Variants in PCDHGA7 observed in about 807,000 individuals in gnomAD.
The protein encoded by PCDHGA7 is protocadherin gamma subfamily A, 7.
PCDHGA7 carries 44 observed loss-of-function variants against 58.3 expected under a neutral mutation model. The observed-to-expected ratio is 0.75, with a 90% confidence interval of 0.59 to 0.97. PCDHGA7 has a LOEUF of 0.97. Among genes scored for constraint, PCDHGA7 ranks in the 50% least tolerant of loss-of-function variants. The pLI is 0.00. For synonymous variants in PCDHGA7, 516 were observed against 504.2 expected (o/e 1.02, Z -0.31); for missense variants, 1,266 against 1,188.7 (o/e 1.06, Z -0.96).
Position 141,385,078 on chromosome 5 carries a change from G to A in PCDHGA7, c.2179G>A (p.Ala727Thr). Residue 727 changes from alanine (A) to threonine (T), a missense_variant, in exon 1 of 4, where the codon GCT (alanine) becomes ACT (threonine). Transcript: ENST00000518325. ...CTGGCACAAGTCACGCCTGCTGCAG[G>A]CTTCAGAAGGTGGCTTGGCGAACGT... ...RRWHKSRLLQ[A>T]SEGGLANVPT... The A allele has an allele frequency of 6.2e-7, 1 of 1,614,222 alleles. No homozygotes were observed. The highest frequency in any genetic ancestry group is 8.5e-7 in the Non-Finnish European group (1 of 1,180,050).
chr5:141,385,560 T>C (rs920911668), intron 1 of PCDHGA7: 33 of 1,307,128 alleles, frequency 2.5e-5, no homozygotes, highest in Non-Finnish European at 3.0e-5. Context: ...ATTTTATAAT[T>C]TCCACCTACT....
chr5:141,480,651 C>T (rs780138971), intron 1 of PCDHGA7, among the ~76,000 whole-genome samples: 1 of 152,174 alleles, frequency 6.6e-6, no homozygotes, highest in African/African-American at 2.4e-5. Flanking sequence ...CTTGGTTGCA[C>T]ATTAAAATCA....
rs771106873 is a variant in PCDHGA7, at chr5:141,426,860, A to C, written c.2424+41537A>C. 5 of 456,702 alleles carry C rather than the reference A, an allele frequency of 1.1e-5. No individual in the cohort carries two copies. In the Admixed American group the frequency reaches 1.2e-4, roughly 11 times the overall value. The allele number at this position is 456,702 out of a possible 1,614,324, so 28.3% of individuals were successfully genotyped here. A position where few individuals can be genotyped will look rare whatever the true frequency, so the allele number is the denominator to read the frequency against. On this transcript the variant is annotated intron_variant, in intron 1 of 3. Transcript: ENST00000518325. ...CTAAAGGCAAGAACGCTCCAGAATT[A>C]GTGCTGGAGAAGCCCCTGGGCCAGG...
At chr5:141,488,578 G>A (rs1286219713) in intron 1 of PCDHGA7, among the ~76,000 whole-genome samples, 2 of 152,178 alleles carry the variant, frequency 1.3e-5, no homozygotes, top group Non-Finnish European at 2.9e-5. Flanking sequence ...AGCATTGCTG[G>A]AGAGTCAGGG....
At position 141,417,888 on chromosome 5, in the gene PCDHGA7, G is replaced by C. The variant is rs1406210540; in HGVS notation, c.2424+32565G>C. ...GGAGGGAGCTGCGCGCAGAGGCGCC[G>C]GGCCGGCCCGCGGCAGGTACTATTT... is the stretch of plus-strand genomic sequence containing the variant. On this transcript the variant is annotated intron_variant, in intron 1 of 3. Transcript: ENST00000518325. 1.3e-6 allele frequency: 2 copies of C among 1,566,652 alleles called. No homozygotes were observed. The highest frequency in any genetic ancestry group is 1.7e-4 in the Middle Eastern group (1 of 6,016).
chr5:141,394,627 C>T (rs563086120), intron 1 of PCDHGA7: 2 of 1,613,412 alleles, frequency 1.2e-6, no homozygotes, highest in East Asian at 2.2e-5. Context: ...GCCTGGCTGT[C>T]CTACCGCCTG....
Position 141,384,075 on chromosome 5 carries a change from T to C in PCDHGA7, c.1176T>C (p.Phe392=). The change falls in exon 1 of 4, where the codon TTT becomes TTC. Residue 392 remains phenylalanine (F), a synonymous_variant. Transcript: ENST00000518325. ...VTCTIPENLP[F]KLEKSIDNYY... is the part of the protein sequence containing the mutation. ...GCACCATTCCAGAAAACCTACCTTT[T>C]AAATTAGAAAAATCAATAGATAATT... The C allele has an allele frequency of 6.2e-7, 1 of 1,600,788 alleles. No homozygotes were observed. The highest frequency in any genetic ancestry group is 8.5e-7 in the Non-Finnish European group (1 of 1,173,074).
rs1334123861 is a variant in PCDHGA7, at chr5:141,414,743, C to G, written c.2424+29420C>G. On this transcript the variant is annotated intron_variant, in intron 1 of 3. Coordinates refer to ENST00000518325, the MANE Select transcript of PCDHGA7 (RefSeq NM_018920.4). ...ACTGGCGTCCTGTATGCACTCAGAT[C>G]CTTCGACTATGAGCAGTTTCATGAG... 1.9e-6 allele frequency: 3 copies of G among 1,614,216 alleles called. No homozygotes were observed. In the East Asian group the frequency reaches 6.7e-5, roughly 36 times the overall value.
In PCDHGA7 at chr5:141,490,858, G is replaced by C. The variant is rs775132338; in HGVS notation, c.2425-3949G>C. On this transcript the variant is annotated intron_variant, in intron 1 of 3. Coordinates refer to ENST00000518325, the MANE Select transcript of PCDHGA7 (RefSeq NM_018920.4). The surrounding 1 kb of genome is among the most constrained non-coding windows in gnomAD (Gnocchi z 5.4). ...GATTGTGGTGGGGGTTCGAGACTCC[G>C]GCTCTCCCCCATTGCATGCCAACAC... The C allele has an allele frequency of 1.5e-5, 24 of 1,613,704 alleles. 1 individual carries two copies. Among genetic ancestry groups the C allele is most frequent in the Non-Finnish European group, 2.0e-5 (24 of 1,179,918 alleles).
Position 141,431,706 on chromosome 5 carries a change from A to T in PCDHGA7, c.2424+46383A>T. The T allele has an allele frequency of 6.2e-7, 1 of 1,614,248 alleles. No homozygotes were observed. The highest frequency in any genetic ancestry group is 8.5e-7 in the Non-Finnish European group (1 of 1,180,048). On this transcript the variant is annotated intron_variant, in intron 1 of 3. Coordinates refer to ENST00000518325, the MANE Select transcript of PCDHGA7 (RefSeq NM_018920.4). The surrounding 1 kb of genome is among the most constrained non-coding windows in gnomAD (Gnocchi z 4.8). ...GACCACGAGGAGTCAGGATTCTACC[A>T]GATGGAAGTGCAAGCAATGGATAAT...
intron 1 of PCDHGA7, chr5:141,399,545 C>T (rs978973236): frequency 6.2e-7 from 1 of 1,614,050 alleles, no homozygotes; most frequent in African/African-American, 1.3e-5. Flanking sequence ...GTCTGCGCCT[C>T]GGACCTGGAC....
At chr5:141,393,944 A>G (rs756691407) in intron 1 of PCDHGA7, 3 of 1,613,998 alleles carry the variant, frequency 1.9e-6, no homozygotes, top group South Asian at 1.1e-5. Flanking sequence ...AAGACTCTGG[A>G]AAGAATGGTC....
rs1369821635 is a variant in PCDHGA7, at chr5:141,512,208, G to T, written c.*1035G>T. ...TTCAGTCCAAGGAAGCTCGAAGCAG[G>T]TTTAGGACCAGGTCCCCTTGAGAGG... On this transcript the variant is annotated 3_prime_UTR_variant, in exon 4 of 4. Coordinates refer to ENST00000518325, the MANE Select transcript of PCDHGA7 (RefSeq NM_018920.4). 6.5e-6 allele frequency: 1 copy of T among 152,758 alleles called. No homozygotes were observed. The highest frequency in any genetic ancestry group is 2.4e-5 in the African/African-American group (1 of 41,454). The allele number at this position is 152,758 out of a possible 1,614,324, so 9.5% of individuals were successfully genotyped here.
intron 1 of PCDHGA7, chr5:141,409,337 A>T: frequency 6.2e-7 from 1 of 1,614,012 alleles, no homozygotes; most frequent in Non-Finnish European, 8.5e-7. Flanking sequence ...TTTCGGAGGA[A>T]ATGGAGAAGT....
At chr5:141,398,273 A>G (rs1223394149) in intron 1 of PCDHGA7, 1 of 1,414,722 alleles carries the variant, frequency 7.1e-7, no homozygotes, top group Non-Finnish European at 9.6e-7. Flanking sequence ...GTAGTGGGGA[A>G]CCTCGCCACG....
chr5:141,405,435 T>C, intron 1 of PCDHGA7: 1 of 1,463,324 alleles, frequency 6.8e-7, no homozygotes, highest in Non-Finnish European at 9.3e-7. Context: ...TTGTTTTGTT[T>C]TTGAGACAGA....
rs758782567 is a variant in PCDHGA7, at chr5:141,486,792, G to A, written c.2425-8015G>A. ...CAGTTTGAGGTGCAGGCCCGGGATCGGGGCAACCCACCCCTTAGCAGCACT... is the reference window on the plus strand; with the variant it reads ...CAGTTTGAGGTGCAGGCCCGGGATCAGGGCAACCCACCCCTTAGCAGCACT... On this transcript the variant is annotated intron_variant, in intron 1 of 3. Coordinates refer to ENST00000518325, the MANE Select transcript of PCDHGA7 (RefSeq NM_018920.4). This position sits in a 1 kb window ranked among gnomAD's most constrained non-coding sequence, Gnocchi z 5.0. The A allele has an allele frequency of 3.7e-5, 59 of 1,614,094 alleles. No homozygotes were observed. The Middle Eastern group carries it at 4.9e-4, about 13-fold the overall frequency.
At position 141,485,379 on chromosome 5, in the gene PCDHGA7, A is replaced by G. The variant is rs749607481; in HGVS notation, c.2425-9428A>G. 12 of 1,613,934 alleles carry G rather than the reference A, an allele frequency of 7.4e-6. No homozygotes were observed. In the Admixed American group the frequency reaches 1.8e-4, roughly 25 times the overall value. The stretch of plus-strand genomic sequence containing the variant: ...GCTCGCAGGCTGCAGGTCGCTGGAG[A>G]GGTGAACCAAAGACACTTCCGTGTG... On this transcript the variant is annotated intron_variant, in intron 1 of 3. Coordinates refer to ENST00000518325, the MANE Select transcript of PCDHGA7 (RefSeq NM_018920.4). This position sits in a 1 kb window ranked among gnomAD's most constrained non-coding sequence, Gnocchi z 5.7.
At chr5:141,442,358 A>C (rs2098318223) in intron 1 of PCDHGA7, 1 of 152,304 alleles carries the variant, frequency 6.6e-6, no homozygotes, top group African/African-American at 2.4e-5. Context: ...CTGTAGCTCT[A>C]TGATGCCATA....
Sources: gnomAD v4.1 joint callset for allele counts (sites outside exome capture counted in the v4.1 genomes callset) on GRCh38, gnomAD v4.1.1 for gene constraint, Gnocchi (gnomAD v3.1) non-coding constraint, MANE v1.5 for transcripts, NCBI Gene and HGNC (gene_info 2026-07-23, HGNC 2026-07-21) for gene names.